Variants in INPP4B observed in about 807,000 individuals in gnomAD.
The protein encoded by INPP4B is inositol polyphosphate-4-phosphatase type II B.
A neutral mutation model predicts 122.5 loss-of-function variants in INPP4B; 55 were observed. That is an observed-to-expected ratio of 0.45 (90% CI 0.36 to 0.56). INPP4B has a LOEUF of 0.56. Ranked by LOEUF, INPP4B falls within the 20% of genes least tolerant of loss-of-function variation. The pLI is 0.00. For synonymous variants in INPP4B, 403 were observed against 388.7 expected (o/e 1.04, Z -0.43); for missense variants, 1,000 against 1,097.7 (o/e 0.91, Z 1.26).
At chr4:142,405,121 G>T in intron 6 of INPP4B, 85 bp downstream of exon 6, 2 of 704,128 alleles carry the variant, frequency 2.8e-6, no homozygotes, top group South Asian at 1.6e-5. Flanking sequence ...GCGGGGGTGG[G>T]GGGGAGGGAG....
chr4:142,348,488 A>G (rs1353374223), intron 7 of INPP4B, among the ~76,000 whole-genome samples: 1 of 151,970 alleles, frequency 6.6e-6, no homozygotes, highest in Non-Finnish European at 1.5e-5. Context: ...TGCCCCTCCA[A>G]TTCTCCCCAG....
At chr4:142,575,910 G>C (rs1209673157) in intron 2 of INPP4B, among the ~76,000 whole-genome samples, 1 of 152,032 alleles carries the variant, frequency 6.6e-6, no homozygotes, top group Non-Finnish European at 1.5e-5. Flanking sequence ...TCAAGGTTCT[G>C]TGTGCAAAAC....
chr4:142,568,951 C>G (rs1426283312), intron 2 of INPP4B, among the ~76,000 whole-genome samples: 8 of 152,060 alleles, frequency 5.3e-5, no homozygotes, highest in African/African-American at 1.9e-4. Context: ...TTAACCTTTT[C>G]AAATGTAACT....
At chr4:142,675,439 A>T (rs1757614191) in intron 2 of INPP4B, among the ~76,000 whole-genome samples, 1 of 152,226 alleles carries the variant, frequency 6.6e-6, no homozygotes, top group Non-Finnish European at 1.5e-5. Flanking sequence ...AGCTGGTACC[A>T]TTCCTTCTGA....
chr4:142,226,203 T>G (rs930612593), intron 12 of INPP4B, among the ~76,000 whole-genome samples: 1 of 152,156 alleles, frequency 6.6e-6, no homozygotes, highest in Non-Finnish European at 1.5e-5. Context: ...CTATAAAGTT[T>G]GAAGCACTAT....
At chr4:142,763,636 T>G (rs1771660119) in intron 1 of INPP4B, among the ~76,000 whole-genome samples, 1 of 152,246 alleles carries the variant, frequency 6.6e-6, no homozygotes, top group South Asian at 2.1e-4. Flanking sequence ...TACTTGTTGC[T>G]TTTCTAAAGA....
intron 2 of INPP4B, among the ~76,000 whole-genome samples, chr4:142,675,858 G>T (rs1347797283): frequency 1.3e-5 from 2 of 152,042 alleles, no homozygotes; most frequent in East Asian, 1.9e-4. Flanking sequence ...AAAATAATAA[G>T]AACTGTTTAC....
chr4:142,609,891 G>A (rs760589581), intron 2 of INPP4B, among the ~76,000 whole-genome samples: 14 of 152,164 alleles, frequency 9.2e-5, no homozygotes, highest in Non-Finnish European at 1.8e-4. Context: ...AAGAAGTAGT[G>A]AATAGAATAG....
intron 1 of INPP4B, among the ~76,000 whole-genome samples, chr4:142,827,441 T>C (rs1781582251): frequency 6.6e-6 from 1 of 152,110 alleles, no homozygotes; most frequent in South Asian, 2.1e-4. Flanking sequence ...AAAAAGCCAA[T>C]AATAATTTGT....
chr4:142,142,031 TACA>T (rs2152830671), intron 18 of INPP4B, among the ~76,000 whole-genome samples: 2 of 152,058 alleles, frequency 1.3e-5, no homozygotes, highest in South Asian at 2.1e-4. Flanking sequence ...CCAGAAGTAA[TACA>T]ACATGAAGAA....
At chr4:142,093,028 C>A (rs985779255) in intron 23 of INPP4B, among the ~76,000 whole-genome samples, 10 of 152,088 alleles carry the variant, frequency 6.6e-5, no homozygotes, top group Non-Finnish European at 1.5e-4. Flanking sequence ...GCTTCTGAGG[C>A]CAGGTCTGAA....
intron 2 of INPP4B, among the ~76,000 whole-genome samples, chr4:142,601,743 G>A (rs989209340): frequency 9.9e-5 from 15 of 151,910 alleles, no homozygotes; most frequent in African/African-American, 1.7e-4. Context: ...GCTGAGGTGC[G>A]CAGATCATGA....
chr4:142,809,309 T>C (rs1779221905), intron 1 of INPP4B, among the ~76,000 whole-genome samples: 1 of 152,154 alleles, frequency 6.6e-6, no homozygotes, highest in Non-Finnish European at 1.5e-5. Flanking sequence ...GAAAAGACGT[T>C]AAGAGGACTA....
chr4:142,692,926 G>GATAGATAC (rs1185852778), intron 2 of INPP4B, among the ~76,000 whole-genome samples: 5 of 150,990 alleles, frequency 3.3e-5, no homozygotes, highest in East Asian at 3.9e-4. Flanking sequence ...TAGATAGATA[G>GATAGATAC]ATAGATAGAT....
intron 1 of INPP4B, among the ~76,000 whole-genome samples, chr4:142,805,298 C>A (rs770243084): frequency 1.4e-4 from 21 of 152,010 alleles, no homozygotes; most frequent in Non-Finnish European, 2.4e-4. Flanking sequence ...ACTGTTAATA[C>A]TTAACATTAT....
chr4:142,138,739 A>G (rs1579046653), intron 18 of INPP4B, among the ~76,000 whole-genome samples: 2 of 152,262 alleles, frequency 1.3e-5, no homozygotes, highest in East Asian at 3.9e-4. Flanking sequence ...GAAAAGGAAG[A>G]GAGGAAAGAA....
intron 5 of INPP4B, among the ~76,000 whole-genome samples, chr4:142,427,650 C>A (rs1393926918): frequency 2.6e-5 from 4 of 151,998 alleles, no homozygotes; most frequent in Non-Finnish European, 5.9e-5. Context: ...CTAACAATTG[C>A]CACCCTAATT....
chr4:142,364,594 T>C (rs894029839), intron 7 of INPP4B, among the ~76,000 whole-genome samples: 1 of 152,080 alleles, frequency 6.6e-6, no homozygotes, highest in Admixed American at 6.6e-5. Flanking sequence ...GATTTCAGTA[T>C]TGCAACTTGT....
At chr4:142,091,589 G>A (rs1187938298) in intron 23 of INPP4B, among the ~76,000 whole-genome samples, 1 of 152,176 alleles carries the variant, frequency 6.6e-6, no homozygotes, top group Non-Finnish European at 1.5e-5. Flanking sequence ...CACACGTGCA[G>A]TCACACACCC....
Sources: allele counts gnomAD v4.1 joint callset (sites outside exome capture counted in the v4.1 genomes callset), GRCh38; gene constraint gnomAD v4.1.1; transcripts MANE v1.5; gene names NCBI Gene and HGNC (gene_info 2026-07-23, HGNC 2026-07-21).